Variants in LUZP2 observed in about 807,000 individuals in gnomAD.
LUZP2 encodes the protein leucine zipper protein 2.
In LUZP2, 52 loss-of-function variants were observed where a neutral mutation model predicts 51.6. The observed-to-expected ratio is 1.01, with a 90% CI of 0.81 to 1.27. The LOEUF (loss-of-function observed/expected upper bound fraction) is 1.27, where lower values mean the gene tolerates loss of function less well. LUZP2 is among the 50% of genes most tolerant of loss of function. The probability of loss-of-function intolerance (pLI) is 0.00; values close to 1 mark genes in which losing one functional copy is unlikely to be tolerated. For synonymous variants in LUZP2, 154 were observed against 137.3 expected, an observed-to-expected ratio of 1.12 and a Z score of -0.85; for missense variants, 436 against 395.4, an observed-to-expected ratio of 1.10 and a Z score of -0.87.
chr11:24,914,468 C>T lies in LUZP2; in HGVS notation c.460-8C>T, dbSNP rs1343473051. 1 of 1,596,702 alleles carries T rather than the reference C, an allele frequency of 6.3e-7. No homozygotes were observed. Among genetic ancestry groups the T allele is most frequent in the Non-Finnish European group, 8.6e-7 (1 of 1,169,546 alleles). On this transcript the variant is annotated splice_region_variant and splice_polypyrimidine_tract_variant and intron_variant, in intron 6 of 11. Transcript: ENST00000336930. ...GTTACACAACTTATCCATGTTTTTG[C>T]CTTACAGTCAAAAAAAATCCAAGCC...
At chr11:24,749,531 T>C (rs933018457) in intron 4 of LUZP2, among the ~76,000 whole-genome samples, 4 of 152,108 alleles carry the variant, frequency 2.6e-5, no homozygotes, top group African/African-American at 7.2e-5. Flanking sequence ...ACCCTCAATG[T>C]AGGCGGCACC....
intron 1 of LUZP2, among the ~76,000 whole-genome samples, chr11:24,533,964 T>G (rs1851092142): frequency 6.6e-6 from 1 of 151,328 alleles, no homozygotes; most frequent in Non-Finnish European, 1.5e-5. Flanking sequence ...ACAGGGACAG[T>G]AATCACTCCT....
chr11:24,686,272 T>C (rs1856895177), intron 1 of LUZP2, among the ~76,000 whole-genome samples: 1 of 151,842 alleles, frequency 6.6e-6, no homozygotes, highest in African/African-American at 2.4e-5. Flanking sequence ...TTGTAGTGGA[T>C]TGTGGCAGTT....
At chr11:24,669,233 G>A (rs976520979) in intron 1 of LUZP2, among the ~76,000 whole-genome samples, 2 of 152,138 alleles carry the variant, frequency 1.3e-5, no homozygotes, top group South Asian at 4.1e-4. Flanking sequence ...TTATCCAGAA[G>A]TGAAATGAGC....
At chr11:25,043,033 C>A (rs2134009238) in intron 9 of LUZP2, among the ~76,000 whole-genome samples, 1 of 152,216 alleles carries the variant, frequency 6.6e-6, no homozygotes, top group Admixed American at 6.5e-5. Flanking sequence ...GAACTTGTTT[C>A]CTTTGTGCTG....
At chr11:24,598,713 G>A (rs1373199921) in intron 1 of LUZP2, among the ~76,000 whole-genome samples, 1 of 152,076 alleles carries the variant, frequency 6.6e-6, no homozygotes, top group Non-Finnish European at 1.5e-5. Context: ...AAAAATAGAG[G>A]CTTGCAATAG....
In LUZP2 at chr11:25,078,543, T is replaced by A; in HGVS notation, c.937-11T>A. ...GATTCTTCGAATTGTCTTTTCTGTATTGTTTAACAGAAATTGCAAATGCCT... is the reference window on the plus strand; with the variant it reads ...GATTCTTCGAATTGTCTTTTCTGTAATGTTTAACAGAAATTGCAAATGCCT... On this transcript the variant is annotated splice_polypyrimidine_tract_variant and intron_variant, in intron 11 of 11. Transcript: ENST00000336930. 6.3e-7 allele frequency: 1 copy of A among 1,594,590 alleles called. No homozygotes were observed. Among genetic ancestry groups the A allele is most frequent in the Non-Finnish European group, 8.6e-7 (1 of 1,166,006 alleles).
chr11:24,595,582 A>G (rs1393614487), intron 1 of LUZP2, among the ~76,000 whole-genome samples: 1 of 152,166 alleles, frequency 6.6e-6, no homozygotes, highest in African/African-American at 2.4e-5. Context: ...CATCATTGAG[A>G]TATTTAACTT....
At chr11:24,958,747 C>T (rs1376608432) in intron 7 of LUZP2, among the ~76,000 whole-genome samples, 1 of 152,144 alleles carries the variant, frequency 6.6e-6, no homozygotes, top group African/African-American at 2.4e-5. Flanking sequence ...TGCAGAAACT[C>T]TTTAGTTTAA....
intron 1 of LUZP2, among the ~76,000 whole-genome samples, chr11:24,607,457 A>T (rs1853966995): frequency 6.7e-6 from 1 of 150,070 alleles, no homozygotes; most frequent in African/African-American, 2.5e-5. Context: ...GTCAAAAATT[A>T]AACATATATG....
intron 7 of LUZP2, among the ~76,000 whole-genome samples, chr11:24,934,179 T>C (rs1475699399): frequency 6.6e-6 from 1 of 152,224 alleles, no homozygotes; most frequent in Admixed American, 6.5e-5. Context: ...CTATTTTCAC[T>C]TCTTTTCTGG....
chr11:24,621,446 G>C (rs1169567923), intron 1 of LUZP2, among the ~76,000 whole-genome samples: 1 of 152,062 alleles, frequency 6.6e-6, no homozygotes, highest in African/African-American at 2.4e-5. Flanking sequence ...GACTCACTGA[G>C]CAGGTCCTAT....
chr11:24,520,892 A>G (rs975227536), intron 1 of LUZP2, among the ~76,000 whole-genome samples: 1 of 152,234 alleles, frequency 6.6e-6, no homozygotes, highest in Non-Finnish European at 1.5e-5. Context: ...AGGGTTTTCC[A>G]GGGTTGCAGA....
At chr11:24,683,113 C>CT (rs1437771400) in intron 1 of LUZP2, among the ~76,000 whole-genome samples, 1 of 152,132 alleles carries the variant, frequency 6.6e-6, no homozygotes, top group Non-Finnish European at 1.5e-5. Context: ...TTCAGTTTTC[C>CT]TTTTTTGGTT....
At chr11:25,055,028 T>C (rs1254894691) in intron 10 of LUZP2, among the ~76,000 whole-genome samples, 93 of 106,428 alleles carry the variant, frequency 8.7e-4, no homozygotes, top group African/African-American at 2.7e-3. Context: ...TTTTTTTTTT[T>C]CGAGGCGGAG....
intron 1 of LUZP2, among the ~76,000 whole-genome samples, chr11:24,722,245 T>A (rs1429227135): frequency 1.3e-5 from 2 of 152,240 alleles, no homozygotes; most frequent in Non-Finnish European, 2.9e-5. Flanking sequence ...TGTATCAGTC[T>A]GTTTTCATGC....
At chr11:24,867,365 C>T (rs1260924557) in intron 5 of LUZP2, among the ~76,000 whole-genome samples, 1 of 152,120 alleles carries the variant, frequency 6.6e-6, no homozygotes. Context: ...TTCAAAAAGG[C>T]ATTGGGTTTA....
At chr11:24,513,338 C>T (rs565603510) in intron 1 of LUZP2, among the ~76,000 whole-genome samples, 13 of 152,264 alleles carry the variant, frequency 8.5e-5, no homozygotes, top group Admixed American at 7.8e-4. Context: ...AGAAAAGCTA[C>T]AGAGTCATAT....
chr11:24,672,514 C>T (rs553754270), intron 1 of LUZP2, among the ~76,000 whole-genome samples: 1 of 152,068 alleles, frequency 6.6e-6, no homozygotes, highest in African/African-American at 2.4e-5. Context: ...TGAGATAAGT[C>T]TCCTTAAGAT....
Sources: gnomAD v4.1 joint callset for allele counts (sites outside exome capture counted in the v4.1 genomes callset) on GRCh38, gnomAD v4.1.1 for gene constraint, MANE v1.5 for transcripts, NCBI Gene and HGNC (gene_info 2026-07-23, HGNC 2026-07-21) for gene names.